The following MRPS31 variants were observed in gnomAD, a reference collection of about 807,000 sequenced individuals.
The protein encoded by MRPS31 is small ribosomal subunit protein mS31.
A neutral mutation model predicts 43.1 loss-of-function variants in MRPS31; 32 were observed. The ratio of observed to expected loss-of-function variants is 0.74; its 90% CI spans 0.56 to 1.00. The LOEUF (loss-of-function observed/expected upper bound fraction) is 1.00. Among genes scored for constraint, MRPS31 ranks in the 50% least tolerant of loss-of-function variants. The pLI is 0.00. For synonymous variants in MRPS31, 165 were observed against 161.6 expected, an observed-to-expected ratio of 1.02 and a Z score of -0.16; for missense variants, 437 against 466.7, an observed-to-expected ratio of 0.94 and a Z score of 0.59.
chr13:40,740,049 G>C (rs1280420371), intron 6 of MRPS31, among the ~76,000 whole-genome samples: 4 of 149,856 alleles, frequency 2.7e-5, no homozygotes, highest in African/African-American at 9.8e-5. Flanking sequence ...ATCTGACAAA[G>C]GGCTAATATC....
chr13:40,744,923 T>C (rs1880201130), intron 6 of MRPS31, among the ~76,000 whole-genome samples: 1 of 139,924 alleles, frequency 7.1e-6, no homozygotes, highest in African/African-American at 2.7e-5. Context: ...CCATTTTATT[T>C]TTATTTATTT....
At chr13:40,762,139 G>A (rs1440415104) in intron 2 of MRPS31, among the ~76,000 whole-genome samples, 2 of 151,892 alleles carry the variant, frequency 1.3e-5, no homozygotes, top group Non-Finnish European at 1.5e-5. Flanking sequence ...CTAGCTACTC[G>A]GGAGGCTGCG....
At chr13:40,760,838 T>C (rs1246586643) in intron 2 of MRPS31, among the ~76,000 whole-genome samples, 2 of 152,126 alleles carry the variant, frequency 1.3e-5, no homozygotes, top group Admixed American at 6.5e-5. Flanking sequence ...TGTTTTACTA[T>C]ACCTGGCTTT....
At chr13:40,758,336 G>C (rs569114324) in intron 3 of MRPS31, among the ~76,000 whole-genome samples, 1 of 152,162 alleles carries the variant, frequency 6.6e-6, no homozygotes, top group Admixed American at 6.5e-5. Context: ...TGGGATCATG[G>C]GCATGAGCCA....
chr13:40,762,151 T>C (rs1019989578), intron 2 of MRPS31, among the ~76,000 whole-genome samples: 4 of 150,534 alleles, frequency 2.7e-5, no homozygotes, highest in African/African-American at 9.8e-5. Context: ...GAGGCTGCGG[T>C]GGGAGGATTG....
intron 6 of MRPS31, among the ~76,000 whole-genome samples, chr13:40,740,121 C>A (rs1376436306): frequency 3.8e-4 from 57 of 149,702 alleles, no homozygotes; most frequent in Middle Eastern, 6.9e-3. Flanking sequence ...AAAAAGTGGG[C>A]GAAGGACATG....
intron 6 of MRPS31, among the ~76,000 whole-genome samples, chr13:40,735,188 A>C (rs1209405272): frequency 1.3e-5 from 2 of 152,166 alleles, no homozygotes; most frequent in African/African-American, 4.8e-5. Flanking sequence ...CACCTGGAAA[A>C]TCGGGTCACT....
rs1291305046 is a variant in MRPS31, at chr13:40,740,379, G to C, written c.958+8759C>G. On this transcript the variant is annotated intron_variant, in intron 6 of 6. Transcript: ENST00000323563. ...CAACCATTGTGGAAGTCAGTGTGGC[G>C]ATTCCTCAGGGATCTAGAACTAGAA... Among the ~76,000 whole-genome samples, 2 of 113,316 alleles carry C rather than the reference G, an allele frequency of 1.8e-5. 1 individual carries two copies. The highest frequency in any genetic ancestry group is 8.4e-5 in the African/African-American group (2 of 23,920). 74.3% of individuals were successfully genotyped at this position (113,316 alleles called of 152,430 possible). A position where few individuals can be genotyped will look rare whatever the true frequency, so the allele number is the denominator to read the frequency against.
At chr13:40,760,296 T>C (rs1566111033) in intron 2 of MRPS31, among the ~76,000 whole-genome samples, 1 of 152,066 alleles carries the variant, frequency 6.6e-6, no homozygotes, top group Non-Finnish European at 1.5e-5. Flanking sequence ...TTTTGCTAAG[T>C]GTGTGGGTCA....
chr13:40,769,507 A>G (rs1408782998), intron 1 of MRPS31, among the ~76,000 whole-genome samples: 5 of 150,406 alleles, frequency 3.3e-5, no homozygotes, highest in African/African-American at 1.2e-4. Flanking sequence ...AAAAATGCTG[A>G]AACTATTTGA....
At chr13:40,766,086 A>G (rs1474634876) in intron 2 of MRPS31, among the ~76,000 whole-genome samples, 1 of 152,210 alleles carries the variant, frequency 6.6e-6, no homozygotes, top group East Asian at 1.9e-4. Flanking sequence ...ACAGACATTA[A>G]GCTACCTTCA....
At chr13:40,747,429 A>G (rs1171466216) in intron 6 of MRPS31, among the ~76,000 whole-genome samples, 1 of 152,184 alleles carries the variant, frequency 6.6e-6, no homozygotes, top group East Asian at 1.9e-4. Context: ...AAATGGCTAA[A>G]ATGGACAGGG....
chr13:40,759,824 A>T (rs921077733), intron 2 of MRPS31, among the ~76,000 whole-genome samples: 8 of 152,300 alleles, frequency 5.3e-5, no homozygotes, highest in Non-Finnish European at 1.0e-4. Flanking sequence ...GTTCGCAGAA[A>T]CTTTACTGGA....
intron 6 of MRPS31, among the ~76,000 whole-genome samples, chr13:40,742,204 A>G (rs1448126699): frequency 1.3e-5 from 2 of 152,170 alleles, no homozygotes; most frequent in East Asian, 3.8e-4. Context: ...AAAACATAAG[A>G]GACAGTGAAA....
chr13:40,750,227 G>C (rs868679809), intron 5 of MRPS31, among the ~76,000 whole-genome samples: 21 of 152,256 alleles, frequency 1.4e-4, no homozygotes, highest in African/African-American at 4.8e-4. Flanking sequence ...ACAGCATATG[G>C]ATGAATCTCA....
chr13:40,740,917 C>T (rs980160140), intron 6 of MRPS31, among the ~76,000 whole-genome samples: 3 of 148,180 alleles, frequency 2.0e-5, no homozygotes, highest in African/African-American at 7.5e-5. Context: ...GCACATGTAC[C>T]CTAAAACTTA....
chr13:40,761,860 A>G (rs993982523), intron 2 of MRPS31, among the ~76,000 whole-genome samples: 1 of 151,814 alleles, frequency 6.6e-6, no homozygotes, highest in African/African-American at 2.4e-5. Flanking sequence ...AAATATATAT[A>G]TGCACATCTC....
chr13:40,734,666 C>G (rs1211929027), intron 6 of MRPS31, among the ~76,000 whole-genome samples: 1 of 152,024 alleles, frequency 6.6e-6, no homozygotes, highest in African/African-American at 2.4e-5. Flanking sequence ...TTTGGGAGGC[C>G]AAGCCAGGAG....
chr13:40,766,995 C>G lies in MRPS31; in HGVS notation c.191G>C (p.Ser64Thr). The G allele has an allele frequency of 6.2e-7, 1 of 1,608,772 alleles. No homozygotes were observed. The highest frequency in any genetic ancestry group is 1.7e-5 in the Admixed American group (1 of 58,742). ...CTTATCTTTCTTGCTACAGATCACACTGTTAGTGCCAAAATATCTTTGGAT... is the reference window on the plus strand; with the variant it reads ...CTTATCTTTCTTGCTACAGATCACAGTGTTAGTGCCAAAATATCTTTGGAT... Reference protein sequence around the residue: ...NNIQRYFGTNSVICSKKDKQS... With the variant: ...NNIQRYFGTNTVICSKKDKQS... The change falls in exon 2 of 7, where the codon AGT (serine) becomes ACT (threonine). Residue 64 changes from serine to threonine, a missense_variant. Transcript: ENST00000323563.
Sources: gnomAD v4.1 joint callset for allele counts (sites outside exome capture counted in the v4.1 genomes callset) on GRCh38, gnomAD v4.1.1 for gene constraint, MANE v1.5 for transcripts, NCBI Gene and HGNC (gene_info 2026-07-23, HGNC 2026-07-21) for gene names.